HEMK2: variants seen among roughly 807,000 people sequenced by gnomAD.
The protein encoded by HEMK2 is HemK methyltransferase 2, ETF1 glutamine and histone H4 lysine.
chr21:28,788,622 T>C, the HEMK2 span, among the ~76,000 whole-genome samples: 1 of 150,316 alleles, frequency 6.7e-6, no homozygotes, highest in African/African-American at 2.5e-5. Flanking sequence ...AAATCATCAC[T>C]ACCAAGAACT....
At chr21:28,788,227 CACGTATAT>C in the HEMK2 span, among the ~76,000 whole-genome samples, 20 of 148,346 alleles carry the variant, frequency 1.3e-4, no homozygotes, top group Non-Finnish European at 2.8e-4. Flanking sequence ...TGTATATATA[CACGTATAT>C]ACGTATATAT....
chr21:28,689,418 CT>C, the HEMK2 span, among the ~76,000 whole-genome samples: 3 of 151,174 alleles, frequency 2.0e-5, no homozygotes, highest in Non-Finnish European at 4.4e-5. Context: ...TCTTTTTTGT[CT>C]TTTTTTTTCT....
At chr21:28,686,407 G>C in the HEMK2 span, among the ~76,000 whole-genome samples, 1 of 151,970 alleles carries the variant, frequency 6.6e-6, no homozygotes, top group Non-Finnish European at 1.5e-5. Flanking sequence ...GCTAATTTTT[G>C]TATTTTTAGT....
At chr21:28,655,324 G>A in the HEMK2 span, among the ~76,000 whole-genome samples, 2 of 151,960 alleles carry the variant, frequency 1.3e-5, no homozygotes, top group Non-Finnish European at 2.9e-5. Flanking sequence ...AAAACTATGT[G>A]GTTAGCTGCC....
At chr21:28,783,763 C>T in the HEMK2 span, among the ~76,000 whole-genome samples, 4 of 152,176 alleles carry the variant, frequency 2.6e-5, no homozygotes, top group South Asian at 2.1e-4. Flanking sequence ...GAGGGAGCAG[C>T]GCGGGCAGAA....
chr21:28,841,404 TAA>T, the HEMK2 span, among the ~76,000 whole-genome samples: 227 of 34,298 alleles, frequency 6.6e-3, 2 homozygotes, highest in Middle Eastern at 0.026. Flanking sequence ...ATTATATATA[TAA>T]TATATATATT....
the HEMK2 span, among the ~76,000 whole-genome samples, chr21:28,842,229 T>C: frequency 6.6e-6 from 1 of 152,160 alleles, no homozygotes; most frequent in Non-Finnish European, 1.5e-5. Flanking sequence ...ATTGGCATCA[T>C]TATTATATAT....
the HEMK2 span, among the ~76,000 whole-genome samples, chr21:28,602,296 G>T: frequency 2.0e-5 from 3 of 152,120 alleles, no homozygotes; most frequent in Admixed American, 1.3e-4. Flanking sequence ...TCATAAAAAT[G>T]GTTATTAAAT....
At chr21:28,821,319 C>G in the HEMK2 span, among the ~76,000 whole-genome samples, 1 of 152,166 alleles carries the variant, frequency 6.6e-6, no homozygotes, top group Non-Finnish European at 1.5e-5. Context: ...TGAATCTCCG[C>G]TGCCCCACTG....
the HEMK2 span, among the ~76,000 whole-genome samples, chr21:28,864,805 TGAAAGACAGACA>T: frequency 2.7e-3 from 386 of 144,160 alleles, 3 homozygotes; most frequent in African/African-American, 9.8e-3. Flanking sequence ...TACCTCTCTC[TGAAAGACAGACA>T]GACAGATAGA....
At chr21:28,629,534 G>A in the HEMK2 span, among the ~76,000 whole-genome samples, 10 of 152,198 alleles carry the variant, frequency 6.6e-5, no homozygotes, top group African/African-American at 2.4e-4. Flanking sequence ...GTATCTGACA[G>A]CCAAATATTG....
chr21:28,632,875 C>T, the HEMK2 span, among the ~76,000 whole-genome samples: 3 of 152,276 alleles, frequency 2.0e-5, no homozygotes, highest in South Asian at 2.1e-4. Context: ...TGGAGTTTGA[C>T]GGTGGGATGA....
At chr21:28,761,364 C>T in the HEMK2 span, among the ~76,000 whole-genome samples, 1 of 151,848 alleles carries the variant, frequency 6.6e-6, no homozygotes, top group Admixed American at 6.6e-5. Context: ...AAAGTAAAGC[C>T]AAAAAATTAA....
chr21:28,645,460 G>A, the HEMK2 span, among the ~76,000 whole-genome samples: 1 of 152,070 alleles, frequency 6.6e-6, no homozygotes, highest in East Asian at 1.9e-4. Context: ...GGTACTGAAG[G>A]ATTAAGAAAA....
At chr21:28,836,578 A>C in the HEMK2 span, among the ~76,000 whole-genome samples, 1 of 152,194 alleles carries the variant, frequency 6.6e-6, no homozygotes. Flanking sequence ...ACAAAAATAC[A>C]AGCTAAAAAG....
chr21:28,821,113 A>T, the HEMK2 span, among the ~76,000 whole-genome samples: 1 of 152,148 alleles, frequency 6.6e-6, no homozygotes, highest in Non-Finnish European at 1.5e-5. Context: ...TTTTTGTCTG[A>T]CTTTGGACTT....
At chr21:28,682,287 A>G in the HEMK2 span, among the ~76,000 whole-genome samples, 245 of 152,360 alleles carry the variant, frequency 1.6e-3, 1 homozygote, top group Non-Finnish European at 2.7e-3. Flanking sequence ...TGCAGCCAAA[A>G]GACACATGAA....
At chr21:28,853,407 G>T in the HEMK2 span, among the ~76,000 whole-genome samples, 1 of 152,270 alleles carries the variant, frequency 6.6e-6, no homozygotes, top group South Asian at 2.1e-4. Context: ...ATCCAACTAT[G>T]TTTTTTCCAC....
At chr21:28,606,808 T>C in the HEMK2 span, among the ~76,000 whole-genome samples, 104 of 152,310 alleles carry the variant, frequency 6.8e-4, no homozygotes, top group Middle Eastern at 3.4e-3. Context: ...ATGAAAGAAG[T>C]AAAATTGTTA....
Sources: allele counts gnomAD v4.1 joint callset (sites outside exome capture counted in the v4.1 genomes callset), GRCh38; gene constraint gnomAD v4.1.1; transcripts MANE v1.5; gene names NCBI Gene and HGNC (gene_info 2026-07-23, HGNC 2026-07-21).